ABCC5: variants seen among roughly 807,000 people sequenced by gnomAD.
The protein encoded by ABCC5 is ATP binding cassette subfamily C member 5, also known as ATP-binding cassette sub-family C member 5.
ABCC5 carries 61 observed loss-of-function variants against 160.9 expected under a neutral mutation model. The observed-to-expected ratio is 0.38, with a 90% confidence interval of 0.31 to 0.47. The LOEUF is 0.47. Ranked by LOEUF, ABCC5 falls within the 20% of genes least tolerant of loss-of-function variation. The pLI is 0.99. For missense variants in ABCC5, 1,308 were observed against 1,813.3 expected, an observed-to-expected ratio of 0.72 and a Z score of 5.06; for synonymous variants, 666 against 700.6, an observed-to-expected ratio of 0.95 and a Z score of 0.78.
rs375976450 is a variant in ABCC5, at chr3:183,996,102, C to T, written c.130-6719G>A. ...GATTACAGGTGTAAGCCACCGTGTC[C>T]GGCCAGAAGGGTTCTATAAACATCT... On this transcript the variant is annotated intron_variant, in intron 2 of 29. Coordinates refer to ENST00000334444, the MANE Select transcript of ABCC5 (RefSeq NM_005688.4). Among the ~76,000 whole-genome samples the T allele has an allele frequency of 1.9e-4, 29 of 152,206 alleles. No individual in the cohort carries two copies. The East Asian group carries it at 2.7e-3, about 14-fold the overall frequency.
intron 17 of ABCC5, among the ~76,000 whole-genome samples, chr3:183,955,363 A>G (rs1715776474): frequency 6.6e-6 from 1 of 152,186 alleles, no homozygotes; most frequent in Non-Finnish European, 1.5e-5. Context: ...CTCTATATAA[A>G]TGTTAATGCT....
chr3:183,995,030 T>C (rs1172120146), intron 2 of ABCC5, among the ~76,000 whole-genome samples: 2 of 151,940 alleles, frequency 1.3e-5, no homozygotes, highest in Admixed American at 6.6e-5. Context: ...TATTTTTATT[T>C]TGTGGAGACA....
chr3:183,957,297 C>T (rs552669738), intron 17 of ABCC5, among the ~76,000 whole-genome samples: 23 of 107,618 alleles, frequency 2.1e-4, no homozygotes, highest in African/African-American at 7.3e-4. Context: ...CAGTTACATG[C>T]GGATCCGTGT....
intron 17 of ABCC5, among the ~76,000 whole-genome samples, chr3:183,954,455 A>C (rs540956225): frequency 3.2e-4 from 48 of 152,212 alleles, no homozygotes; most frequent in Admixed American, 9.8e-4. Flanking sequence ...AGCTGGTCTC[A>C]TGTTTTTAAC....
At position 183,927,328 on chromosome 3, in the gene ABCC5, A is replaced by G; in HGVS notation, c.4047+2T>C. On this transcript the variant is annotated splice_donor_variant, in intron 28 of 29. Transcript: ENST00000334444. LOFTEE classifies it high-confidence loss of function. ...GCTGCTGCCAACCCCAAACTGCCTT[A>G]CCTTACAGTGGCGGAGCAGGGCTCT... The G allele has an allele frequency of 6.2e-7, 1 of 1,612,894 alleles. No homozygotes were observed. Among genetic ancestry groups the G allele is most frequent in the Non-Finnish European group, 8.5e-7 (1 of 1,179,380 alleles).
At chr3:183,952,797 C>T (rs574366805) in intron 18 of ABCC5, among the ~76,000 whole-genome samples, 1 of 152,248 alleles carries the variant, frequency 6.6e-6, no homozygotes, top group South Asian at 2.1e-4. Context: ...TCAAGTACCC[C>T]GTCTTGGGTA....
Position 183,925,558 on chromosome 3 carries a change from T to C in ABCC5, c.4209A>G (p.Gly1403=). ...GSDRIMVLAQ[G]QVVEFDTPSV... ...AAGTTCCTGAAGGACTCGGTACCTGTCCCTGGGCCAGCACCATAATCCTAT... is the reference window on the plus strand; with the variant it reads ...AAGTTCCTGAAGGACTCGGTACCTGCCCCTGGGCCAGCACCATAATCCTAT... Residue 1403 remains glycine (G), a synonymous_variant, in exon 29 of 30, where the codon GGA becomes GGG. Coordinates refer to ENST00000334444, the MANE Select transcript of ABCC5 (RefSeq NM_005688.4). 6.2e-7 allele frequency: 1 copy of C among 1,613,386 alleles called. No homozygotes were observed. The highest frequency in any genetic ancestry group is 8.5e-7 in the Non-Finnish European group (1 of 1,179,860).
chr3:183,956,148 A>C lies in ABCC5; in HGVS notation c.2483-2878T>G, dbSNP rs1217338878. Among the ~76,000 whole-genome samples the C allele has an allele frequency of 2.5e-4, 32 of 128,684 alleles. 2 individuals carry two copies. The highest frequency in any genetic ancestry group is 4.8e-4 in the Admixed American group (6 of 12,550). 84.4% of individuals were successfully genotyped at this position (128,684 alleles called of 152,430 possible). The stretch of plus-strand genomic sequence containing the variant: ...TGTATATCACATCGGTTACATGCAG[A>C]TCCGTGTGTAAATCACATCGGTTAC... On this transcript the variant is annotated intron_variant, in intron 17 of 29. Transcript: ENST00000334444.
intron 8 of ABCC5, among the ~76,000 whole-genome samples, chr3:183,980,067 G>C (rs1385880645): frequency 6.6e-6 from 1 of 152,136 alleles, no homozygotes; most frequent in African/African-American, 2.4e-5. Context: ...TAGAGACGGG[G>C]TTTTGCCATT....
intron 12 of ABCC5, among the ~76,000 whole-genome samples, chr3:183,965,803 C>T (rs1717166027): frequency 6.6e-6 from 1 of 152,196 alleles, no homozygotes; most frequent in African/African-American, 2.4e-5. Context: ...GCAAGAGGTT[C>T]TTGCAGAATT....
chr3:183,954,900 C>A (rs1183046638), intron 17 of ABCC5, among the ~76,000 whole-genome samples: 1 of 151,964 alleles, frequency 6.6e-6, no homozygotes, highest in Non-Finnish European at 1.5e-5. Context: ...TGGTTTGATC[C>A]GGAAAGGTGG....
At position 184,014,398 on chromosome 3, in the gene ABCC5, C is replaced by T; in HGVS notation, c.-6G>A. 1 of 1,609,220 alleles carries T rather than the reference C, an allele frequency of 6.2e-7. No homozygotes were observed. The highest frequency in any genetic ancestry group is 1.3e-5 in the African/African-American group (1 of 74,740). On this transcript the variant is annotated 5_prime_UTR_variant, in exon 2 of 30. Transcript: ENST00000334444. Reference sequence around the variant, plus strand: ...CCTATGTCGATATCCTTCATCTTCTCTGAGTGGAGGTTCCAGGGCTCACAG... The same window carrying T: ...CCTATGTCGATATCCTTCATCTTCTTTGAGTGGAGGTTCCAGGGCTCACAG...
chr3:183,990,763 G>A (rs1663590038), intron 2 of ABCC5, among the ~76,000 whole-genome samples: 1 of 152,192 alleles, frequency 6.6e-6, no homozygotes, highest in African/African-American at 2.4e-5. Context: ...GTGTATAAAT[G>A]TTCGTTCATT....
At chr3:183,954,562 T>G (rs1381041395) in intron 17 of ABCC5, among the ~76,000 whole-genome samples, 1 of 152,174 alleles carries the variant, frequency 6.6e-6, no homozygotes, top group Non-Finnish European at 1.5e-5. Flanking sequence ...GGGGTTGTGA[T>G]GGTGGGATGG....
intron 17 of ABCC5, among the ~76,000 whole-genome samples, chr3:183,956,945 CGG>C (rs1716084208): frequency 2.0e-5 from 3 of 147,090 alleles, no homozygotes; most frequent in African/African-American, 5.0e-5. Context: ...CGGTTACATG[CGG>C]ATCCGTGTGT....
chr3:184,005,714 G>A (rs1721136146), intron 2 of ABCC5, among the ~76,000 whole-genome samples: 1 of 151,892 alleles, frequency 6.6e-6, no homozygotes, highest in African/African-American at 2.4e-5. Context: ...CCACCACCAT[G>A]GCACACGTAT....
At chr3:184,011,034 G>T (rs1250122928) in intron 2 of ABCC5, among the ~76,000 whole-genome samples, 1 of 151,688 alleles carries the variant, frequency 6.6e-6, no homozygotes, top group African/African-American at 2.4e-5. Flanking sequence ...GAGCCACCGT[G>T]CCCGGCCCAA....
rs529037149 is a variant in ABCC5, at chr3:183,989,757, G to C, written c.130-374C>G. ...TTGTTACAATTGATGAGCCAATACA[G>C]ATTCATTATTAACTGAAGTCCATAG... On this transcript the variant is annotated intron_variant, in intron 2 of 29. Transcript: ENST00000334444. Among the ~76,000 whole-genome samples the C allele has an allele frequency of 3.3e-4, 50 of 152,154 alleles. 1 individual carries two copies. The South Asian group carries it at 9.5e-3, about 29-fold the overall frequency.
Position 183,937,903 on chromosome 3 carries a change from G to A in ABCC5, c.3852C>T (p.Val1284=), listed in dbSNP as rs770955935. Residue 1284 remains valine, a splice_region_variant and synonymous_variant, in exon 26 of 30, where the codon GTC becomes GTT. Transcript: ENST00000334444. ...CATGCAGGTGCTCAGGTCCTCACCT[G>A]ACAGTGCCACTGAACAGCACCGGCT... The part of the protein sequence containing the change: ...PQEPVLFSGT[V]RSNLDPFNQY... 8 of 1,613,990 alleles carry A rather than the reference G, an allele frequency of 5.0e-6. No homozygotes were observed. The Admixed American group carries it at 5.0e-5, about 10-fold the overall frequency.
Sources: allele counts gnomAD v4.1 joint callset (sites outside exome capture counted in the v4.1 genomes callset), GRCh38; gene constraint gnomAD v4.1.1; transcripts MANE v1.5; gene names NCBI Gene and HGNC (gene_info 2026-07-23, HGNC 2026-07-21).